Variants in DARS1 observed in about 807,000 individuals in gnomAD.
The protein encoded by DARS1 is aspartyl-tRNA synthetase 1, also known as aspartate--tRNA ligase, cytoplasmic.
Under a neutral mutation model 68.8 loss-of-function variants are expected in DARS1, and 51 were observed. The observed-to-expected ratio is 0.74, with a 90% CI of 0.59 to 0.94. The LOEUF (loss-of-function observed/expected upper bound fraction) is 0.94. DARS1 is among the 40% of genes least tolerant of loss of function. DARS1 has a pLI of 0.00. For missense variants in DARS1, 607 were observed against 597.3 expected (o/e 1.02, Z -0.17); for synonymous variants, 203 against 190.4 (o/e 1.07, Z -0.55).
At chr2:135,938,414 C>A (rs562683668) in intron 5 of DARS1, among the ~76,000 whole-genome samples, 1 of 152,214 alleles carries the variant, frequency 6.6e-6, no homozygotes, top group Admixed American at 6.5e-5. Flanking sequence ...AGGTTTTTAG[C>A]TTCTTTGCGA....
intron 5 of DARS1, among the ~76,000 whole-genome samples, chr2:135,942,960 T>G (rs1439095288): frequency 6.6e-6 from 1 of 152,220 alleles, no homozygotes; most frequent in African/African-American, 2.4e-5. Flanking sequence ...AGTGGAATAT[T>G]TAGCAGATGT....
intron 3 of DARS1, among the ~76,000 whole-genome samples, chr2:135,964,199 T>C (rs1194357926): frequency 2.6e-5 from 4 of 152,178 alleles, no homozygotes; most frequent in African/African-American, 4.8e-5. Flanking sequence ...GTGTAAGAAG[T>C]ATATTAAGAT....
At chr2:135,949,418 T>C (rs1558790711) in intron 4 of DARS1, among the ~76,000 whole-genome samples, 1 of 152,038 alleles carries the variant, frequency 6.6e-6, no homozygotes, top group Non-Finnish European at 1.5e-5. Flanking sequence ...ATGGCACACA[T>C]ACAAAAAAAT....
At chr2:135,926,240 T>C (rs888723394) in intron 7 of DARS1, among the ~76,000 whole-genome samples, 29 of 152,184 alleles carry the variant, frequency 1.9e-4, no homozygotes, top group African/African-American at 7.0e-4. Flanking sequence ...TATGAACTGG[T>C]TGTCATAGAT....
chr2:135,922,845 T>A lies in DARS1; in HGVS notation c.750A>T (p.Pro250=). The A allele has an allele frequency of 6.3e-7, 1 of 1,591,968 alleles. No homozygotes were observed. Among genetic ancestry groups the A allele is most frequent in the Non-Finnish European group, 8.5e-7 (1 of 1,170,002 alleles). Residue 250 remains proline (P), a synonymous_variant, in exon 9 of 16, where the codon CCA becomes CCT. Transcript: ENST00000264161. The part of the protein sequence containing the change: ...FKNNAYLAQS[P]QLYKQMCICA... ...AAATGCACATTTGCTTATATAGCTG[T>A]GGGGACTGAGCCAGGTATGCATTAT... is the stretch of plus-strand genomic sequence containing the variant.
chr2:135,940,966 C>T (rs1205049072), intron 5 of DARS1, among the ~76,000 whole-genome samples: 1 of 152,068 alleles, frequency 6.6e-6, no homozygotes. Context: ...ATGTGAAGGA[C>T]CTCTTCAAGG....
chr2:135,964,378 G>A (rs1457463287), intron 3 of DARS1, among the ~76,000 whole-genome samples: 6 of 152,138 alleles, frequency 3.9e-5, no homozygotes, highest in Admixed American at 6.6e-5. Flanking sequence ...TACACTCACA[G>A]GTAGGTACAG....
chr2:135,959,554 A>G (rs1201977838), intron 4 of DARS1, among the ~76,000 whole-genome samples: 1 of 152,048 alleles, frequency 6.6e-6, no homozygotes, highest in Non-Finnish European at 1.5e-5. Context: ...ATTTGAAAGT[A>G]GCTCTTTTAG....
At position 135,979,383 on chromosome 2, in the gene DARS1, C is replaced by T. The variant is rs551634360; in HGVS notation, c.125-17G>A. 1.3e-4 allele frequency: 131 copies of T among 972,808 alleles called. 1 individual carries two copies. The highest frequency in any genetic ancestry group is 1.3e-3 in the South Asian group (93 of 73,668). 60.3% of individuals were successfully genotyped at this position (972,808 alleles called of 1,614,324 possible). On this transcript the variant is annotated splice_polypyrimidine_tract_variant and intron_variant, in intron 2 of 15. Transcript: ENST00000264161. ...AAACTCGATCTGTAATAACAGTAAA[C>T]GATTTTTATATAGTAAAATAATTTT...
intron 13 of DARS1, 102 bp from the exon 14 acceptor site, chr2:135,911,595 T>TC (rs1335839240): frequency 1.5e-6 from 1 of 655,058 alleles, no homozygotes; most frequent in African/African-American, 1.9e-5. Flanking sequence ...GTTCATTTTT[T>TC]CCTACAATTA....
intron 9 of DARS1, among the ~76,000 whole-genome samples, chr2:135,921,431 T>A (rs1681108984): frequency 6.6e-6 from 1 of 152,168 alleles, no homozygotes; most frequent in Non-Finnish European, 1.5e-5. Flanking sequence ...CTCTGTTGTC[T>A]ATATATCCTA....
chr2:135,917,138 C>T (rs1159762423), intron 10 of DARS1, among the ~76,000 whole-genome samples: 3 of 151,404 alleles, frequency 2.0e-5, no homozygotes, highest in South Asian at 2.1e-4. Context: ...CCAGCCTGGG[C>T]GACAGAGCAA....
chr2:135,920,127 A>G (rs1345330263), intron 10 of DARS1, among the ~76,000 whole-genome samples: 1 of 152,234 alleles, frequency 6.6e-6, no homozygotes, highest in Non-Finnish European at 1.5e-5. Flanking sequence ...CTGTTAAAAG[A>G]AACACATGCT....
At chr2:135,954,376 G>GC (rs1394363153) in intron 4 of DARS1, among the ~76,000 whole-genome samples, 19 of 137,080 alleles carry the variant, frequency 1.4e-4, no homozygotes, top group Non-Finnish European at 2.7e-4. Flanking sequence ...CCTCCTCTCC[G>GC]CCCCAAAACA....
rs687670 is a variant in DARS1, at chr2:135,983,330, T to C, written c.124+67A>G. ...AGATTTATGCCAACCTTACTTAAAA[T>C]TTCATTTAGAGCTTTCCTGGAATTA... On this transcript the variant is annotated intron_variant, in intron 2 of 15. Transcript: ENST00000264161. 0.42 allele frequency: 322,855 copies of C among 765,088 alleles called. 85,206 individuals carry two copies. The highest frequency in any genetic ancestry group is 0.82 in the African/African-American group (46,992 of 57,050). 47.4% of individuals were successfully genotyped at this position (765,088 alleles called of 1,614,324 possible).
intron 15 of DARS1, 46 bp from the exon 16 acceptor site, chr2:135,907,453 C>A: frequency 2.3e-6 from 3 of 1,317,966 alleles, no homozygotes; most frequent in South Asian, 2.4e-5. Context: ...GAAAATCTCT[C>A]AGGGTCTTAC....
chr2:135,943,901 A>C (rs1681661098), intron 4 of DARS1, among the ~76,000 whole-genome samples: 1 of 152,222 alleles, frequency 6.6e-6, no homozygotes, highest in South Asian at 2.1e-4. Flanking sequence ...AAATAATAGA[A>C]GACGGTCAAC....
chr2:135,971,953 G>T (rs1682379405), intron 3 of DARS1, among the ~76,000 whole-genome samples: 1 of 151,914 alleles, frequency 6.6e-6, no homozygotes. Context: ...ACAAAAAATG[G>T]AAAGATATTC....
intron 9 of DARS1, 68 bp from the exon 10 acceptor site, chr2:135,920,668 T>C: frequency 6.7e-7 from 1 of 1,488,958 alleles, no homozygotes; most frequent in South Asian, 1.4e-5. Context: ...GGGATTTAAA[T>C]ACAAACTTTT....
Sources: allele counts gnomAD v4.1 joint callset (sites outside exome capture counted in the v4.1 genomes callset), GRCh38; gene constraint gnomAD v4.1.1; transcripts MANE v1.5; gene names NCBI Gene and HGNC (gene_info 2026-07-23, HGNC 2026-07-21).